Variants in ZDHHC2 observed in about 807,000 individuals in gnomAD.
ZDHHC2 encodes the protein palmitoyltransferase ZDHHC2.
ZDHHC2 carries 51 observed loss-of-function variants against 55.6 expected under a neutral mutation model. That is an observed-to-expected ratio of 0.92 (90% CI 0.73 to 1.16). The LOEUF is 1.16. Among genes scored for constraint, ZDHHC2 ranks in the 50% most tolerant of loss-of-function variants. The pLI, the probability that ZDHHC2 is intolerant of heterozygous loss-of-function variation, is 0.00. For missense variants in ZDHHC2, 491 were observed against 442.4 expected (o/e 1.11, Z -0.99); for synonymous variants, 199 against 152.9 (o/e 1.30, Z -2.22).
At position 17,218,137 on chromosome 8, in the gene ZDHHC2, G is replaced by A. The variant is rs749273009; in HGVS notation, c.*34+891G>A. ...GCAATTTGCCAGCTGACTAGTATCT[G>A]ATTTTGGGAAGAGCAGGATCAGCTC... On this transcript the variant is annotated intron_variant, in intron 12 of 12. Coordinates refer to ENST00000262096, the MANE Select transcript of ZDHHC2 (RefSeq NM_016353.5). Among the ~76,000 whole-genome samples, 82 of 152,322 alleles carry A rather than the reference G, an allele frequency of 5.4e-4. 1 individual carries two copies. The highest frequency in any genetic ancestry group is 8.8e-4 in the Non-Finnish European group (60 of 68,030).
intron 1 of ZDHHC2, chr8:17,157,565 C>G (rs899296446): frequency 6.6e-6 from 1 of 152,134 alleles, no homozygotes; most frequent in African/African-American, 2.4e-5. Flanking sequence ...GTTCGAGGTT[C>G]CTGAATTGGT....
intron 1 of ZDHHC2, among the ~76,000 whole-genome samples, chr8:17,157,234 G>C (rs1563426774): frequency 6.6e-6 from 1 of 152,178 alleles, no homozygotes; most frequent in Non-Finnish European, 1.5e-5. Context: ...AGCTGGGCCC[G>C]GCCCCGAGCT....
In ZDHHC2 at chr8:17,195,377, ATTGTC is replaced by A. The variant is rs1268706674; in HGVS notation, c.253-125_253-121del. ...CAGACTTGCCCACGTTTCAAACTCT[ATTGTC>A]TCTTTGAATGTACAATATACCATTA... On this transcript the variant is annotated intron_variant, in intron 3 of 12. Coordinates refer to ENST00000262096, the MANE Select transcript of ZDHHC2 (RefSeq NM_016353.5). The A allele has an allele frequency of 4.4e-6, 5 of 1,129,692 alleles. No homozygotes were observed. In the African/African-American group the frequency reaches 7.9e-5, roughly 18 times the overall value. 70.0% of individuals were successfully genotyped at this position (1,129,692 alleles called of 1,614,324 possible). A position where few individuals can be genotyped will look rare whatever the true frequency, so the allele number is the denominator to read the frequency against.
intron 8 of ZDHHC2, among the ~76,000 whole-genome samples, chr8:17,208,615 A>AT (rs1402066477): frequency 6.6e-6 from 1 of 152,146 alleles, no homozygotes; most frequent in Non-Finnish European, 1.5e-5. Context: ...ATAATATGCA[A>AT]TGAGGATTAA....
At chr8:17,219,432 G>T (rs939456590) in intron 12 of ZDHHC2, among the ~76,000 whole-genome samples, 1 of 151,660 alleles carries the variant, frequency 6.6e-6, no homozygotes. Context: ...ATTAAATTTA[G>T]CTTACCAACC....
intron 6 of ZDHHC2, among the ~76,000 whole-genome samples, chr8:17,205,058 A>G (rs1478235426): frequency 6.6e-6 from 1 of 152,232 alleles, no homozygotes; most frequent in Non-Finnish European, 1.5e-5. Context: ...AAAGAAAATG[A>G]AATTCTAATC....
At chr8:17,184,621 C>CTT (rs35115266) in intron 1 of ZDHHC2, among the ~76,000 whole-genome samples, 168 bp from the exon 2 acceptor site, 1 of 136 alleles carries the variant, frequency 7.4e-3, no homozygotes, top group African/African-American at 0.011. Context: ...TTCCTGCACC[C>CTT]TCTCCACACT....
Position 17,207,952 on chromosome 8 carries a change from C to A in ZDHHC2, c.598-8C>A. 1 of 1,502,974 alleles carries A rather than the reference C, an allele frequency of 6.7e-7. No homozygotes were observed. The highest frequency in any genetic ancestry group is 8.9e-7 in the Non-Finnish European group (1 of 1,121,886). 93.1% of individuals were successfully genotyped at this position (1,502,974 alleles called of 1,614,324 possible). On this transcript the variant is annotated splice_polypyrimidine_tract_variant and splice_region_variant and intron_variant, in intron 7 of 12. Transcript: ENST00000262096. ...ACAAAACATGTTATTTTCTTCCTTT[C>A]TTTATAGAATGGCCTACCTGATACT...
intron 10 of ZDHHC2, among the ~76,000 whole-genome samples, chr8:17,211,055 T>G (rs1323660208): frequency 6.6e-6 from 1 of 152,134 alleles, no homozygotes; most frequent in Non-Finnish European, 1.5e-5. Flanking sequence ...CAGCTTTAAG[T>G]TTGTTTTGAT....
At chr8:17,190,257 A>G (rs1413410572) in intron 3 of ZDHHC2, among the ~76,000 whole-genome samples, 2 of 149,430 alleles carry the variant, frequency 1.3e-5, no homozygotes, top group Admixed American at 1.3e-4. Flanking sequence ...CTCCGTCTCA[A>G]AAAAAAAAAA....
chr8:17,209,902 T>C lies in ZDHHC2; in HGVS notation c.731-30T>C, dbSNP rs1294538974. On this transcript the variant is annotated intron_variant, in intron 8 of 12. Coordinates refer to ENST00000262096, the MANE Select transcript of ZDHHC2 (RefSeq NM_016353.5). ...GATTGCTAGTAAATATGTTCTTTAC[T>C]CATGTGATTCCTTTACCATCTTTTT... 15 of 1,589,800 alleles carry C rather than the reference T, an allele frequency of 9.4e-6. No homozygotes were observed. In the East Asian group the frequency reaches 3.1e-4, roughly 33 times the overall value.
At chr8:17,174,550 T>C (rs1162052170) in intron 1 of ZDHHC2, among the ~76,000 whole-genome samples, 2 of 152,084 alleles carry the variant, frequency 1.3e-5, no homozygotes, top group African/African-American at 2.4e-5. Context: ...ATATTGTTAA[T>C]AGTGTTATGC....
In ZDHHC2 at chr8:17,217,208, C is replaced by T. The variant is rs1563172659; in HGVS notation, c.1100C>T (p.Thr367Ile). ...CCTGCATTAACCATGGAAAATGAGA[C>T]TTAACTCTTCAAGCAAGATAAATTC... Reference protein sequence around the residue: ...SNPALTMENET With the variant: ...SNPALTMENEI The change falls in exon 12 of 13, where the codon ACT (threonine) becomes ATT (isoleucine). Residue 367 changes from threonine to isoleucine, a missense_variant. Coordinates refer to ENST00000262096, the MANE Select transcript of ZDHHC2 (RefSeq NM_016353.5). The T allele has an allele frequency of 3.3e-5, 53 of 1,610,516 alleles. No individual in the cohort carries two copies. The highest frequency in any genetic ancestry group is 4.4e-5 in the Non-Finnish European group (52 of 1,178,090).
intron 1 of ZDHHC2, among the ~76,000 whole-genome samples, chr8:17,169,968 A>G (rs1404506795): frequency 2.6e-5 from 4 of 152,188 alleles, no homozygotes; most frequent in Non-Finnish European, 5.9e-5. Context: ...GGCAGTAGTC[A>G]TGGAAATCTT....
intron 1 of ZDHHC2, among the ~76,000 whole-genome samples, chr8:17,180,484 C>T (rs1311914542): frequency 6.6e-6 from 1 of 152,156 alleles, no homozygotes; most frequent in Non-Finnish European, 1.5e-5. Flanking sequence ...ACAAATATTA[C>T]TTTTCTCTTT....
chr8:17,206,728 C>T (rs1472253885), intron 7 of ZDHHC2, among the ~76,000 whole-genome samples: 1 of 151,992 alleles, frequency 6.6e-6, no homozygotes, highest in Admixed American at 6.6e-5. Flanking sequence ...TTAAGATATC[C>T]ACAGGTCCTC....
chr8:17,207,801 T>C (rs1426568775), intron 7 of ZDHHC2, among the ~76,000 whole-genome samples, 159 bp from the exon 8 acceptor site: 1 of 152,084 alleles, frequency 6.6e-6, no homozygotes, highest in East Asian at 1.9e-4. Flanking sequence ...ATGAAATATA[T>C]GCATATTTTT....
rs181952273 is a variant in ZDHHC2 at position 17,215,799 on chromosome 8, C to T, written c.1063+450C>T. On this transcript the variant is annotated intron_variant, in intron 11 of 12. Transcript: ENST00000262096. Reference sequence around the variant, plus strand: ...TGTGTACCATAAGTTCAGCTGCCTGCGATTTCTTCATATCCCACTCACATT... The same window carrying T: ...TGTGTACCATAAGTTCAGCTGCCTGTGATTTCTTCATATCCCACTCACATT... 6.7e-4 allele frequency among the ~76,000 whole-genome samples: 102 copies of T among 152,238 alleles called. 1 individual carries two copies. The highest frequency in any genetic ancestry group is 4.8e-3 in the Admixed American group (74 of 15,288).
chr8:17,220,742 G>A lies in ZDHHC2; in HGVS notation c.*521G>A, dbSNP rs546905765. ...TTCCTCTGATGTGAATCCAGCCTCAGACTGAGTGAACTGTAATAATTATGA... is the reference window on the plus strand; with the variant it reads ...TTCCTCTGATGTGAATCCAGCCTCAAACTGAGTGAACTGTAATAATTATGA... On this transcript the variant is annotated 3_prime_UTR_variant, in exon 13 of 13. Coordinates refer to ENST00000262096, the MANE Select transcript of ZDHHC2 (RefSeq NM_016353.5). 1 of 152,234 alleles carries A rather than the reference G, an allele frequency of 6.6e-6. No homozygotes were observed. The highest frequency in any genetic ancestry group is 1.9e-4 in the East Asian group (1 of 5,176). The allele number at this position is 152,234 out of a possible 1,614,324, so 9.4% of individuals were successfully genotyped here. A position where few individuals can be genotyped will look rare whatever the true frequency, so the allele number is the denominator to read the frequency against.
Sources: gnomAD v4.1 joint callset for allele counts (sites outside exome capture counted in the v4.1 genomes callset) on GRCh38, gnomAD v4.1.1 for gene constraint, MANE v1.5 for transcripts, NCBI Gene and HGNC (gene_info 2026-07-23, HGNC 2026-07-21) for gene names.